TACR3: variants seen among roughly 807,000 people sequenced by gnomAD.
TACR3 encodes tachykinin receptor 3, also known as neuromedin-K receptor.
Under a neutral mutation model 35.0 loss-of-function variants are expected in TACR3, and 34 were observed. That is an observed-to-expected ratio of 0.97 (90% CI 0.74 to 1.30). TACR3 has a LOEUF of 1.30. Ranked by LOEUF, TACR3 falls within the 50% of genes most tolerant of loss-of-function variation. The probability of loss-of-function intolerance (pLI) is 0.00; values close to 1 mark genes in which losing one functional copy is unlikely to be tolerated. For synonymous variants in TACR3, 233 were observed against 221.1 expected (o/e 1.05, Z -0.48); for missense variants, 558 against 591.7 (o/e 0.94, Z 0.59).
At chr4:103,705,479 C>T (rs181600870) in intron 1 of TACR3, among the ~76,000 whole-genome samples, 17 of 152,198 alleles carry the variant, frequency 1.1e-4, no homozygotes, top group East Asian at 3.9e-4. Context: ...AACATTCAGC[C>T]TGCCTTTATG....
chr4:103,669,376 G>A (rs533085699), intron 1 of TACR3, among the ~76,000 whole-genome samples: 94 of 152,076 alleles, frequency 6.2e-4, no homozygotes, highest in African/African-American at 2.2e-3. Flanking sequence ...TATATATCTA[G>A]CACTGGGCTT....
At chr4:103,611,344 G>A (rs1724507027) in intron 3 of TACR3, among the ~76,000 whole-genome samples, 1 of 152,142 alleles carries the variant, frequency 6.6e-6, no homozygotes, top group African/African-American at 2.4e-5. Flanking sequence ...CCATCTCCTC[G>A]GTTAAGTTTA....
At chr4:103,629,325 A>G (rs558299288) in intron 3 of TACR3, among the ~76,000 whole-genome samples, 14 of 152,250 alleles carry the variant, frequency 9.2e-5, no homozygotes, top group African/African-American at 3.4e-4. Flanking sequence ...AAGGGTATTC[A>G]ATTAGGAAAA....
Position 103,589,705 on chromosome 4 carries a change from T to TTCTTA in TACR3, c.1374_1375insTAAGA (p.Thr459Ter). On this transcript the variant is annotated stop_gained and frameshift_variant, in exon 5 of 5. Transcript: ENST00000304883. LOFTEE classifies it high-confidence loss of function. ...AATTAAGAATATTCATCCACAGAGG[T>TTCTTA]ATAGGGTGAGCTTATGAAACTTGAA... is the stretch of plus-strand genomic sequence containing the variant. The TTCTTA allele has an allele frequency of 6.2e-7, 1 of 1,613,864 alleles. No homozygotes were observed. Among genetic ancestry groups the TTCTTA allele is most frequent in the Non-Finnish European group, 8.5e-7 (1 of 1,179,840 alleles).
chr4:103,597,012 T>C (rs2110286883), intron 3 of TACR3, among the ~76,000 whole-genome samples: 1 of 152,224 alleles, frequency 6.6e-6, no homozygotes, highest in South Asian at 2.1e-4. Flanking sequence ...TGTTGGACAT[T>C]TGGGTTGGTT....
At chr4:103,594,370 G>T (rs1018053368) in intron 3 of TACR3, among the ~76,000 whole-genome samples, 2 of 152,020 alleles carry the variant, frequency 1.3e-5, no homozygotes. Context: ...TAGAGACAGG[G>T]TGTTACCATA....
In TACR3 at chr4:103,650,537, A is replaced by ATTTATATAT. The variant is rs1560821815; in HGVS notation, c.888+5656_888+5657insATATATAAA. 2.3e-3 allele frequency among the ~76,000 whole-genome samples: 300 copies of ATTTATATAT among 130,200 alleles called. 7 individuals carry two copies. The highest frequency in any genetic ancestry group is 8.3e-3 in the African/African-American group (287 of 34,764). The allele number at this position is 130,200 out of a possible 152,430, so 85.4% of individuals were successfully genotyped here. On this transcript the variant is annotated intron_variant, in intron 3 of 4. Coordinates refer to ENST00000304883, the MANE Select transcript of TACR3 (RefSeq NM_001059.3). ...ATATAAATATGTATTATTTATATAT[A>ATTTATATAT]AATATATAAAATAAATTTAATAAAA... is the stretch of plus-strand genomic sequence containing the variant.
intron 1 of TACR3, among the ~76,000 whole-genome samples, chr4:103,693,490 T>C (rs565831280): frequency 1.3e-5 from 2 of 152,280 alleles, no homozygotes; most frequent in Admixed American, 6.5e-5. Flanking sequence ...TTCTTCATCA[T>C]TGCATTACCA....
At chr4:103,716,665 C>A (rs757410454) in intron 1 of TACR3, among the ~76,000 whole-genome samples, 32 of 151,146 alleles carry the variant, frequency 2.1e-4, no homozygotes, top group Non-Finnish European at 4.3e-4. Context: ...TTTGCTACAG[C>A]TGAACAAAAG....
intron 3 of TACR3, among the ~76,000 whole-genome samples, chr4:103,646,079 C>T (rs1364779721): frequency 6.6e-6 from 1 of 151,906 alleles, no homozygotes; most frequent in African/African-American, 2.4e-5. Flanking sequence ...CTTTCATGAC[C>T]AAGAATTGAT....
In TACR3 at chr4:103,589,736, G is replaced by T; in HGVS notation, c.1344C>A (p.Ser448=). The change falls in exon 5 of 5, where the codon TCC becomes TCA. Residue 448 remains serine, a synonymous_variant. Coordinates refer to ENST00000304883, the MANE Select transcript of TACR3 (RefSeq NM_001059.3). ...GCSRRNSKSA[S]ATSSFISSPY... The stretch of plus-strand genomic sequence containing the variant: ...GTGAGCTTATGAAACTTGAAGTGGC[G>T]GAGGCAGATTTGGAATTCCTGCGAG... The T allele has an allele frequency of 3.1e-6, 5 of 1,613,912 alleles. No homozygotes were observed. The highest frequency in any genetic ancestry group is 4.2e-6 in the Non-Finnish European group (5 of 1,179,886).
intron 1 of TACR3, among the ~76,000 whole-genome samples, chr4:103,718,158 AT>A (rs1241815559): frequency 2.0e-4 from 30 of 152,322 alleles, no homozygotes; most frequent in African/African-American, 7.2e-4. Flanking sequence ...AAGAATTAAT[AT>A]TTATCTCCAT....
intron 3 of TACR3, among the ~76,000 whole-genome samples, chr4:103,623,513 A>G (rs971149298): frequency 2.6e-5 from 4 of 152,162 alleles, no homozygotes; most frequent in Non-Finnish European, 5.9e-5. Context: ...TGATAACATG[A>G]CTATAGCAAA....
chr4:103,645,707 A>G (rs1386924424), intron 3 of TACR3, among the ~76,000 whole-genome samples: 1 of 152,006 alleles, frequency 6.6e-6, no homozygotes, highest in African/African-American at 2.4e-5. Flanking sequence ...GAAAAGATAC[A>G]CAATGGTAGG....
chr4:103,695,711 CTG>C (rs10603685), intron 1 of TACR3, among the ~76,000 whole-genome samples: 11,585 of 145,616 alleles, frequency 0.08, 583 homozygotes, highest in African/African-American at 0.15. Flanking sequence ...GTCTCTCTCT[CTG>C]TGTGTGTGTG....
At chr4:103,634,172 T>TTTTA (rs1321273039) in intron 3 of TACR3, among the ~76,000 whole-genome samples, 1 of 152,126 alleles carries the variant, frequency 6.6e-6, no homozygotes, top group Non-Finnish European at 1.5e-5. Flanking sequence ...CCAAAGGATA[T>TTTTA]TTTATTAATC....
chr4:103,681,485 T>A (rs1722088173), intron 1 of TACR3, among the ~76,000 whole-genome samples: 1 of 152,068 alleles, frequency 6.6e-6, no homozygotes, highest in Non-Finnish European at 1.5e-5. Flanking sequence ...TAGAAAAAGA[T>A]CTACCATGTA....
intron 1 of TACR3, among the ~76,000 whole-genome samples, chr4:103,701,931 T>A (rs1170375703): frequency 1.3e-5 from 2 of 152,140 alleles, no homozygotes; most frequent in African/African-American, 4.8e-5. Flanking sequence ...ATGTTAGACC[T>A]AAAACCATAA....
chr4:103,699,909 T>A (rs1038321644), intron 1 of TACR3, among the ~76,000 whole-genome samples: 4 of 152,178 alleles, frequency 2.6e-5, no homozygotes, highest in Non-Finnish European at 5.9e-5. Context: ...TATTTAAAAC[T>A]CTGGATTACT....
Sources: allele counts gnomAD v4.1 joint callset (sites outside exome capture counted in the v4.1 genomes callset), GRCh38; gene constraint gnomAD v4.1.1; transcripts MANE v1.5; gene names NCBI Gene and HGNC (gene_info 2026-07-23, HGNC 2026-07-21).